Variants in LRCH1 observed in about 807,000 individuals in gnomAD.
LRCH1 encodes the protein leucine rich repeats and calponin homology domain containing 1, also known as leucine-rich repeat and calponin homology domain-containing protein 1.
In LRCH1, 23 loss-of-function variants were observed where a neutral mutation model predicts 94.9. The ratio of observed to expected loss-of-function variants is 0.24; its 90% CI spans 0.17 to 0.34. The LOEUF (loss-of-function observed/expected upper bound fraction) is 0.34, where lower values mean the gene tolerates loss of function less well. Ranked by LOEUF, LRCH1 falls within the 10% of genes least tolerant of loss-of-function variation. LRCH1 has a pLI of 1.00. For synonymous variants in LRCH1, 364 were observed against 354.9 expected (o/e 1.03, Z -0.29); for missense variants, 790 against 945.9 (o/e 0.84, Z 2.16).
At chr13:46,607,773 A>G (rs553166812) in intron 1 of LRCH1, among the ~76,000 whole-genome samples, 18 of 152,122 alleles carry the variant, frequency 1.2e-4, no homozygotes, top group African/African-American at 3.9e-4. Context: ...TTTATTATCT[A>G]TTAACCAGGT....
chr13:46,668,119 C>T (rs951445537), intron 2 of LRCH1, among the ~76,000 whole-genome samples: 1 of 152,168 alleles, frequency 6.6e-6, no homozygotes, highest in African/African-American at 2.4e-5. Flanking sequence ...TGAAACCCAT[C>T]TGTCTTTTTG....
At chr13:46,737,178 G>A (rs947411) in intron 19 of LRCH1, among the ~76,000 whole-genome samples, 137,739 of 152,202 alleles carry the variant, frequency 0.9, 63,611 homozygotes, top group Non-Finnish European at 1. Context: ...AAACATGTCT[G>A]TGCAGGTTGT....
At chr13:46,661,483 A>G (rs1238903314) in intron 2 of LRCH1, among the ~76,000 whole-genome samples, 10 of 152,240 alleles carry the variant, frequency 6.6e-5, no homozygotes, top group Admixed American at 6.5e-4. Context: ...GTTAAGAAGC[A>G]AAGTGTCAAA....
chr13:46,712,678 T>C lies in LRCH1; in HGVS notation c.1654+81T>C, dbSNP rs747171136. The C allele has an allele frequency of 4.0e-6, 5 of 1,245,366 alleles. No homozygotes were observed. In the East Asian group the frequency reaches 7.0e-5, roughly 17 times the overall value. 77.1% of individuals were successfully genotyped at this position (1,245,366 alleles called of 1,614,324 possible). A position where few individuals can be genotyped will look rare whatever the true frequency, so the allele number is the denominator to read the frequency against. ...GCCTTTTAAGTGTATGCATTATCAA[T>C]GTGCACATCCTTGTCAGTTCTGCTG... On this transcript the variant is annotated intron_variant, in intron 15 of 19. Coordinates refer to ENST00000389797, the MANE Select transcript of LRCH1 (RefSeq NM_001164211.2).
chr13:46,688,108 C>A, intron 6 of LRCH1, 129 bp downstream of exon 6: 3 of 924,034 alleles, frequency 3.2e-6, no homozygotes, highest in Non-Finnish European at 4.5e-6. Flanking sequence ...CAAAACAGAA[C>A]AATTTGGTTT....
rs1873834997 is a variant in LRCH1, at chr13:46,744,690, C to T, written c.*2842C>T. The T allele has an allele frequency of 1.0e-6, 1 of 985,276 alleles. No individual in the cohort carries two copies. The highest frequency in any genetic ancestry group is 1.2e-6 in the Non-Finnish European group (1 of 829,900). 61.0% of individuals were successfully genotyped at this position (985,276 alleles called of 1,614,324 possible). Reference sequence around the variant, plus strand: ...TATCTCTCGAAAACTCATGTAGATGCCTGATTGAGTCATAAGGACAAAAGG... The same window carrying T: ...TATCTCTCGAAAACTCATGTAGATGTCTGATTGAGTCATAAGGACAAAAGG... On this transcript the variant is annotated 3_prime_UTR_variant, in exon 20 of 20. Coordinates refer to ENST00000389797, the MANE Select transcript of LRCH1 (RefSeq NM_001164211.2).
intron 1 of LRCH1, among the ~76,000 whole-genome samples, chr13:46,621,707 T>C (rs554441003): frequency 1.3e-5 from 2 of 152,346 alleles, no homozygotes; most frequent in African/African-American, 4.8e-5. Context: ...TTTCACTTTG[T>C]AATACCCTGG....
At chr13:46,573,866 A>ATATATATATATATATATATATATTTTT in intron 1 of LRCH1, among the ~76,000 whole-genome samples, 45 of 63,350 alleles carry the variant, frequency 7.1e-4, no homozygotes, top group Non-Finnish European at 1.1e-3. Flanking sequence ...ATATATATAT[A>ATATATATATATATATATATATATTTTT]TTTTTTTTTT....
intron 1 of LRCH1, among the ~76,000 whole-genome samples, chr13:46,588,820 C>A (rs1033140133): frequency 4.6e-5 from 7 of 152,054 alleles, no homozygotes; most frequent in African/African-American, 1.7e-4. Flanking sequence ...CCAGGCTGGT[C>A]TCGAACTCCT....
intron 1 of LRCH1, among the ~76,000 whole-genome samples, chr13:46,605,434 G>C (rs2050676719): frequency 1.3e-5 from 2 of 152,052 alleles, no homozygotes; most frequent in South Asian, 4.1e-4. Flanking sequence ...CCAGAGCAGA[G>C]GTACAAAAAA....
At chr13:46,566,830 C>T (rs2050189912) in intron 1 of LRCH1, among the ~76,000 whole-genome samples, 1 of 152,180 alleles carries the variant, frequency 6.6e-6, no homozygotes, top group Non-Finnish European at 1.5e-5. Flanking sequence ...TGTGATTTCC[C>T]CCACTGATCT....
chr13:46,584,509 A>G (rs541220651), intron 1 of LRCH1, among the ~76,000 whole-genome samples: 5 of 152,212 alleles, frequency 3.3e-5, no homozygotes, highest in Non-Finnish European at 5.9e-5. Flanking sequence ...TGGCAAGTAG[A>G]TCTCCAGTCC....
At chr13:46,685,581 T>A (rs1203647643) in intron 4 of LRCH1, among the ~76,000 whole-genome samples, 1 of 152,054 alleles carries the variant, frequency 6.6e-6, no homozygotes, top group Non-Finnish European at 1.5e-5. Context: ...CATAAACATG[T>A]CCTGTGTGAT....
At chr13:46,556,511 A>C (rs1346399250) in intron 1 of LRCH1, among the ~76,000 whole-genome samples, 1 of 152,196 alleles carries the variant, frequency 6.6e-6, no homozygotes, top group African/African-American at 2.4e-5. Flanking sequence ...AGTGAGTGAC[A>C]CAGGTGTCAC....
intron 19 of LRCH1, among the ~76,000 whole-genome samples, chr13:46,739,767 C>T (rs1873559832): frequency 6.6e-6 from 1 of 152,078 alleles, no homozygotes. Flanking sequence ...TTAAATTAAC[C>T]ACTATAGGCT....
At chr13:46,638,895 T>C (rs962141575) in intron 1 of LRCH1, among the ~76,000 whole-genome samples, 4 of 152,228 alleles carry the variant, frequency 2.6e-5, no homozygotes, top group Admixed American at 2.6e-4. Flanking sequence ...TAGTTTTGGC[T>C]TTCCTTATGT....
intron 1 of LRCH1, among the ~76,000 whole-genome samples, chr13:46,639,758 G>A (rs1013692653): frequency 6.6e-6 from 1 of 152,200 alleles, no homozygotes; most frequent in East Asian, 1.9e-4. Context: ...CCCAAGCAGT[G>A]TTGTACCTGC....
chr13:46,632,281 A>G (rs1398643218), intron 1 of LRCH1, among the ~76,000 whole-genome samples: 1 of 152,090 alleles, frequency 6.6e-6, no homozygotes, highest in African/African-American at 2.4e-5. Context: ...GCTTAATAAT[A>G]GTTGATGGCC....
intron 18 of LRCH1, among the ~76,000 whole-genome samples, chr13:46,731,393 G>T (rs1255921952): frequency 6.6e-6 from 1 of 151,868 alleles, no homozygotes; most frequent in African/African-American, 2.4e-5. Flanking sequence ...ACCACGCCTG[G>T]CTAATTTTTG....
Sources: gnomAD v4.1 joint callset for allele counts (sites outside exome capture counted in the v4.1 genomes callset) on GRCh38, gnomAD v4.1.1 for gene constraint, MANE v1.5 for transcripts, NCBI Gene and HGNC (gene_info 2026-07-23, HGNC 2026-07-21) for gene names.